Variants in INTS1 observed in about 807,000 individuals in gnomAD.
INTS1 encodes integrator complex subunit 1.
A neutral mutation model predicts 241.6 loss-of-function variants in INTS1; 137 were observed. The observed-to-expected ratio is 0.57, with a 90% CI of 0.49 to 0.65. The LOEUF (loss-of-function observed/expected upper bound fraction) is 0.65. Ranked by LOEUF, INTS1 falls within the 30% of genes least tolerant of loss-of-function variation. INTS1 has a pLI of 0.00. For synonymous variants in INTS1, 1,692 were observed against 1,337.8 expected, an observed-to-expected ratio of 1.26 and a Z score of -5.78; for missense variants, 3,073 against 3,032.2, an observed-to-expected ratio of 1.01 and a Z score of -0.32.
At position 1,493,122 on chromosome 7, in the gene INTS1, A is replaced by G. The variant is rs1583144802; in HGVS notation, c.2069-16T>C. The G allele has an allele frequency of 1.2e-6, 2 of 1,604,420 alleles. No homozygotes were observed. The highest frequency in any genetic ancestry group is 2.2e-5 in the South Asian group (2 of 90,888). ...ACCTCCACATCTAAGACCAAGAGCCACACATGGGTTCTGGGGCTGCTCACA... is the reference window on the plus strand; with the variant it reads ...ACCTCCACATCTAAGACCAAGAGCCGCACATGGGTTCTGGGGCTGCTCACA... On this transcript the variant is annotated splice_polypyrimidine_tract_variant and intron_variant, in intron 15 of 47. Transcript: ENST00000404767. The surrounding 1 kb of genome is among the most constrained non-coding windows in gnomAD (Gnocchi z 5.3).
intron 35 of INTS1, 145 bp downstream of exon 35, chr7:1,477,405 G>T: frequency 1.1e-6 from 1 of 927,954 alleles, no homozygotes; most frequent in Non-Finnish European, 1.6e-6. Context: ...CCTTCCTCTG[G>T]GTTGCTACAG....
intron 22 of INTS1, among the ~76,000 whole-genome samples, chr7:1,485,867 G>C (rs1348957878): frequency 6.6e-6 from 1 of 152,176 alleles, no homozygotes; most frequent in Non-Finnish European, 1.5e-5. Context: ...GAGTGCAGTG[G>C]TGTGATCACA....
In INTS1 at chr7:1,476,325, C is replaced by T. The variant is rs1162752269; in HGVS notation, c.5282G>A (p.Arg1761Gln). Residue 1761 changes from arginine to glutamine, a missense_variant, in exon 38 of 48, where the codon CGG (arginine) becomes CAG (glutamine). By Grantham distance (43) the Arg-to-Gln change is conservative. Coordinates refer to ENST00000404767, the MANE Select transcript of INTS1 (RefSeq NM_001080453.3). ...DTAACSLIQA[R>Q]LPLLLSCCCG... ...GCAGCAGCTGAGCAGCAGGGGCAGC[C>T]GGGCCTGGATGAGGCTGCAGGCGGC... 12 of 1,586,906 alleles carry T rather than the reference C, an allele frequency of 7.6e-6. No homozygotes were observed. The highest frequency in any genetic ancestry group is 8.6e-6 in the Non-Finnish European group (10 of 1,168,750).
In INTS1 at chr7:1,499,339, A is replaced by T; in HGVS notation, c.866T>A (p.Leu289His). Residue 289 changes from leucine (L) to histidine (H), a missense_variant, in exon 7 of 48, where the codon CTC becomes CAC. Physicochemically the swap from Leu to His is moderately conservative, Grantham distance 99. Coordinates refer to ENST00000404767, the MANE Select transcript of INTS1 (RefSeq NM_001080453.3). ...CGTCTGGCTGTCCTCCTCCTCCGTG[A>T]GGGAGGGGTGTGGGCTGCTCCCTGC... ...LGAGSSPHPSLTEEEDSQTEL... is the reference protein window; with the variant it reads ...LGAGSSPHPSHTEEEDSQTEL... 1 of 1,596,348 alleles carries T rather than the reference A, an allele frequency of 6.3e-7. No homozygotes were observed.
chr7:1,473,224 G>C (rs1428377543), intron 42 of INTS1, 40 bp from the exon 43 acceptor site: 1 of 1,461,798 alleles, frequency 6.8e-7, no homozygotes, highest in Non-Finnish European at 9.5e-7. Flanking sequence ...GGAAGACGCT[G>C]GCAGGAGGAA....
Position 1,470,539 on chromosome 7 carries a change from A to C in INTS1, c.*38T>G, listed in dbSNP as rs764708238. 11 of 1,448,424 alleles carry C rather than the reference A, an allele frequency of 7.6e-6. No homozygotes were observed. Among genetic ancestry groups the C allele is most frequent in the Non-Finnish European group, 1.0e-5 (11 of 1,069,214 alleles). The allele number at this position is 1,448,424 out of a possible 1,614,324, so 89.7% of individuals were successfully genotyped here. ...TGCCTCGAGGATCCCCGGGGACGGG[A>C]CGGGCCGGGGCTTGGAGGGGGGTCG... On this transcript the variant is annotated 3_prime_UTR_variant, in exon 48 of 48. Transcript: ENST00000404767.
rs566640123 is a variant in INTS1 at position 1,503,909 on chromosome 7, G to A, written c.52C>T (p.Pro18Ser). 47 of 1,571,500 alleles carry A rather than the reference G, an allele frequency of 3.0e-5. No homozygotes were observed. Among genetic ancestry groups the A allele is most frequent in the Middle Eastern group, 1.7e-4 (1 of 5,992 alleles). Residue 18 changes from proline to serine, a missense_variant, in exon 2 of 48, where the codon CCC becomes TCC. Pro to Ser is a moderately conservative substitution (Grantham distance 74, BLOSUM62 -1). Transcript: ENST00000404767. ...TVRRPSAAAKPSGHPPPGDFI... is the reference protein window; with the variant it reads ...TVRRPSAAAKSSGHPPPGDFI... ...AGCGAGGAGGGAGACGCACCTGAGG[G>A]TTTGGCCGCGGCGCTGGGCCGGCGC... is the stretch of plus-strand genomic sequence containing the variant.
rs1193196212 is a variant in INTS1 at position 1,504,331 on chromosome 7, C to T, written c.-50G>A. ...GGCCGCGGCTCACTTACCTCTGGCC[C>T]ATCGCGACCGGAGCGCCGCCGCCGC... On this transcript the variant is annotated 5_prime_UTR_variant, in exon 1 of 48. The change abolishes an upstream ATG in the 5' untranslated region. Coordinates refer to ENST00000404767, the MANE Select transcript of INTS1 (RefSeq NM_001080453.3). The T allele has an allele frequency of 7.6e-6, 4 of 524,298 alleles. No individual in the cohort carries two copies. Among genetic ancestry groups the T allele is most frequent in the Non-Finnish European group, 1.5e-5 (4 of 274,570 alleles). The allele number at this position is 524,298 out of a possible 1,614,324, so 32.5% of individuals were successfully genotyped here.
At chr7:1,478,669 T>G in intron 32 of INTS1, 57 bp downstream of exon 32, 1 of 1,499,328 alleles carries the variant, frequency 6.7e-7, no homozygotes, top group Non-Finnish European at 8.9e-7. Flanking sequence ...TTGGCCACTC[T>G]GAGTGAGCCC....
chr7:1,471,883 G>A lies in INTS1; in HGVS notation c.6185-242C>T, dbSNP rs1311873186. ...CCCTCACGGCAGCCCCATATCCAGG[G>A]TGCTCTTAGCACCAAGTGTCCCCAC... is the stretch of plus-strand genomic sequence containing the variant. On this transcript the variant is annotated intron_variant, in intron 44 of 47. Transcript: ENST00000404767. 1.7e-5 allele frequency: 10 copies of A among 587,070 alleles called. 1 individual carries two copies. The East Asian group carries it at 2.2e-4, about 13-fold the overall frequency. The allele number at this position is 587,070 out of a possible 1,614,324, so 36.4% of individuals were successfully genotyped here.
At chr7:1,484,484 T>G (rs1782152763) in intron 24 of INTS1, among the ~76,000 whole-genome samples, 1 of 152,146 alleles carries the variant, frequency 6.6e-6, no homozygotes, top group African/African-American at 2.4e-5. Context: ...CCACCAACTT[T>G]CACTAGGTCA....
Position 1,474,237 on chromosome 7 carries a change from C to G in INTS1, c.5760G>C (p.Pro1920=), listed in dbSNP as rs769069843. 6 of 1,602,068 alleles carry G rather than the reference C, an allele frequency of 3.7e-6. No homozygotes were observed. The East Asian group carries it at 1.1e-4, about 30-fold the overall frequency. ...HVLGLLELLQ[P]HVFRSEHQGA... The stretch of plus-strand genomic sequence containing the variant: ...CCTGGTGCTCGCTGCGGAACACGTG[C>G]GGCTGCAGCAGCTCCAGCAGGCCCA... The change falls in exon 41 of 48, where the codon CCG becomes CCC. Residue 1920 remains proline, a synonymous_variant. Coordinates refer to ENST00000404767, the MANE Select transcript of INTS1 (RefSeq NM_001080453.3).
In INTS1 at chr7:1,477,465, G is replaced by A. The variant is rs373245887; in HGVS notation, c.4938+85C>T. On this transcript the variant is annotated intron_variant, in intron 35 of 47. Transcript: ENST00000404767. ...GGGTGCTGGGGCCCCTGCAAGGCTC[G>A]CCCAGGCCAAGGCTGCTGCACTTCA... The A allele has an allele frequency of 1.3e-4, 184 of 1,424,918 alleles. No homozygotes were observed. In the African/African-American group the frequency reaches 2.1e-3, roughly 16 times the overall value. The allele number at this position is 1,424,918 out of a possible 1,614,324, so 88.3% of individuals were successfully genotyped here. A position where few individuals can be genotyped will look rare whatever the true frequency, so the allele number is the denominator to read the frequency against.
At chr7:1,470,985 C>G in intron 46 of INTS1, 30 bp from the exon 47 acceptor site, 2 of 1,532,894 alleles carry the variant, frequency 1.3e-6, no homozygotes, top group African/African-American at 2.7e-5. Flanking sequence ...CAGTGGGAAC[C>G]TCCACCCTGT....
rs746470083 is a variant in INTS1 at position 1,476,428 on chromosome 7, C to T, written c.5179G>A (p.Val1727Ile). The change falls in exon 38 of 48, where the codon GTC (valine) becomes ATC (isoleucine). Residue 1727 changes from valine to isoleucine, a missense_variant. Transcript: ENST00000404767. ...QKRREELVLRVQGPELISLVE... is the reference protein window; with the variant it reads ...QKRREELVLRIQGPELISLVE... ...AGGCTGATGAGCTCCGGGCCCTGGA[C>T]CCGCAGCACCAGCTCCTCCCGCCGC... 24 of 1,568,548 alleles carry T rather than the reference C, an allele frequency of 1.5e-5. No homozygotes were observed. In the South Asian group the frequency reaches 2.2e-4, roughly 14 times the overall value.
chr7:1,474,045 GTGGCC>G, intron 41 of INTS1, 118 bp downstream of exon 41: 1 of 1,160,582 alleles, frequency 8.6e-7, no homozygotes, highest in African/African-American at 1.5e-5. Flanking sequence ...CCCAGGGCAG[GTGGCC>G]TGGCCTGGGC....
chr7:1,487,567 C>T (rs1782333509), intron 19 of INTS1, 118 bp from the exon 20 acceptor site: 2 of 1,377,590 alleles, frequency 1.5e-6, no homozygotes, highest in African/African-American at 2.9e-5. Flanking sequence ...GGCAACCCAT[C>T]CTGACCTGGG....
At chr7:1,478,264 T>G in intron 33 of INTS1, 102 bp downstream of exon 33, 1 of 1,323,698 alleles carries the variant, frequency 7.6e-7, no homozygotes, top group Admixed American at 2.0e-5. Flanking sequence ...GGGACAGTGC[T>G]GAGCAGACAC....
Position 1,500,240 on chromosome 7 carries a change from G to A in INTS1, c.476C>T (p.Thr159Ile). The A allele has an allele frequency of 1.2e-6, 2 of 1,605,678 alleles. No homozygotes were observed. Among genetic ancestry groups the A allele is most frequent in the South Asian group, 1.1e-5 (1 of 89,722 alleles). ...CAGGTACATGAGGCTCAGGTAGAGG[G>A]TGCTGTCAGGCTTGGCGCGGGTGAC... is the stretch of plus-strand genomic sequence containing the variant. ...LKVTRAKPDSTLYLSLMYLAK... is the reference protein window; with the variant it reads ...LKVTRAKPDSILYLSLMYLAK... Residue 159 changes from threonine (T) to isoleucine (I), a missense_variant, in exon 4 of 48, where the codon ACC (threonine) becomes ATC (isoleucine). Physicochemically the swap from Thr to Ile is moderately conservative, Grantham distance 89 (BLOSUM62 -1). Transcript: ENST00000404767.
Sources: allele counts gnomAD v4.1 joint callset (sites outside exome capture counted in the v4.1 genomes callset), GRCh38; gene constraint gnomAD v4.1.1; non-coding constraint Gnocchi (gnomAD v3.1); transcripts MANE v1.5; gene names NCBI Gene and HGNC (gene_info 2026-07-23, HGNC 2026-07-21).